The following BPI variants were observed in gnomAD, a reference collection of about 807,000 sequenced individuals.
BPI encodes bactericidal permeability increasing protein.
In BPI, 48 loss-of-function variants were observed where a neutral mutation model predicts 57.6. The observed-to-expected ratio is 0.83, with a 90% CI of 0.66 to 1.06. The LOEUF is 1.06. BPI is among the 50% of genes least tolerant of loss of function. The pLI is 0.00. For synonymous variants in BPI, 237 were observed against 238.2 expected, an observed-to-expected ratio of 0.99 and a Z score of 0.05; for missense variants, 651 against 609.7, an observed-to-expected ratio of 1.07 and a Z score of -0.71.
At chr20:38,326,496 A>C in intron 10 of BPI, 64 bp downstream of exon 10, 8 of 1,492,706 alleles carry the variant, frequency 5.4e-6, no homozygotes, top group South Asian at 5.2e-5. Flanking sequence ...CTGTCTTTGG[A>C]GTCAGGAGAC....
At chr20:38,330,441 A>T (rs1311110077) in intron 11 of BPI, among the ~76,000 whole-genome samples, 1 of 152,204 alleles carries the variant, frequency 6.6e-6, no homozygotes, top group Non-Finnish European at 1.5e-5. Context: ...AAACAGCCAT[A>T]TGTTCCCCCC....
At chr20:38,310,280 C>G (rs1484751655) in intron 3 of BPI, among the ~76,000 whole-genome samples, 1 of 152,152 alleles carries the variant, frequency 6.6e-6, no homozygotes, top group Non-Finnish European at 1.5e-5. Flanking sequence ...CAGGTTTCTG[C>G]CAGGCAAACA....
intron 5 of BPI, chr20:38,317,867 G>T (rs1273215213): frequency 2.0e-6 from 3 of 1,475,424 alleles, no homozygotes; most frequent in Non-Finnish European, 2.7e-6. Context: ...TCCATTGTGA[G>T]TCATGGGCTA....
chr20:38,310,770 G>GC, intron 4 of BPI, 118 bp downstream of exon 4: 1 of 1,372,236 alleles, frequency 7.3e-7, no homozygotes, highest in Non-Finnish European at 9.9e-7. Context: ...TTGCTCAGAG[G>GC]CCTCAGGCAT....
intron 4 of BPI, 130 bp from the exon 5 acceptor site, chr20:38,311,743 AG>A: frequency 1.3e-6 from 1 of 766,698 alleles, no homozygotes; most frequent in Non-Finnish European, 2.3e-6. Flanking sequence ...GTGTGCAGTT[AG>A]AGCTCAGAGG....
At chr20:38,334,598 A>C (rs888426727) in intron 13 of BPI, 105 bp downstream of exon 13, 3 of 1,137,092 alleles carry the variant, frequency 2.6e-6, no homozygotes, top group Non-Finnish European at 4.0e-6. Context: ...AGGGCTGGGC[A>C]GTGGTGATGT....
At chr20:38,336,599 C>T (rs2076768614) in intron 14 of BPI, among the ~76,000 whole-genome samples, 1 of 152,084 alleles carries the variant, frequency 6.6e-6, no homozygotes, top group South Asian at 2.1e-4. Context: ...CTCTCCCTTT[C>T]CCCCAATGTC....
intron 1 of BPI, among the ~76,000 whole-genome samples, chr20:38,305,076 C>G (rs1267862165): frequency 6.6e-6 from 1 of 152,210 alleles, no homozygotes; most frequent in Non-Finnish European, 1.5e-5. Flanking sequence ...AGAGAGATGA[C>G]CTGCAAAACA....
intron 11 of BPI, among the ~76,000 whole-genome samples, chr20:38,328,782 A>C (rs564685146): frequency 6.6e-6 from 1 of 151,918 alleles, no homozygotes; most frequent in Non-Finnish European, 1.5e-5. Context: ...GGATCGCCTG[A>C]GCCCAATAGT....
chr20:38,308,846 G>C, intron 2 of BPI, 84 bp from the exon 3 acceptor site: 6 of 1,544,840 alleles, frequency 3.9e-6, no homozygotes, highest in Non-Finnish European at 5.3e-6. Flanking sequence ...TGGGGGACGA[G>C]TCTGCATTAA....
chr20:38,317,806 T>C, intron 5 of BPI: 1 of 1,491,536 alleles, frequency 6.7e-7, no homozygotes, highest in African/African-American at 1.4e-5. Context: ...ACTTCCTCAG[T>C]GTCAAAGTCA....
In BPI at chr20:38,327,457, G is replaced by T. The variant is rs2076719069; in HGVS notation, c.1162-131G>T. 7 of 907,796 alleles carry T rather than the reference G, an allele frequency of 7.7e-6. No individual in the cohort carries two copies. The South Asian group carries it at 9.1e-5, about 12-fold the overall frequency. 56.2% of individuals were successfully genotyped at this position (907,796 alleles called of 1,614,324 possible). ...CAAGGGAAGTCTCCCCACTCCTCTG[G>T]CTCTGTGGGCCTGACCCCACAGTGT... On this transcript the variant is annotated intron_variant, in intron 10 of 14. Coordinates refer to ENST00000642449, the MANE Select transcript of BPI (RefSeq NM_001725.3).
chr20:38,307,498 C>A (rs746356824), intron 1 of BPI, 69 bp from the exon 2 acceptor site: 1 of 1,165,318 alleles, frequency 8.6e-7, no homozygotes, highest in South Asian at 1.5e-5. Context: ...GGGTCCAGAG[C>A]CTGCCCTGCC....
chr20:38,318,377 G>A (rs1232901429), intron 5 of BPI, 36 bp from the exon 6 acceptor site: 2 of 1,584,948 alleles, frequency 1.3e-6, no homozygotes, highest in Non-Finnish European at 1.7e-6. Flanking sequence ...TTCACTATGG[G>A]AAGACCTTAC....
intron 6 of BPI, 28 bp downstream of exon 6, chr20:38,318,504 G>T (rs1218364191): frequency 6.2e-7 from 1 of 1,602,966 alleles, no homozygotes; most frequent in Non-Finnish European, 8.5e-7. Context: ...ATCAAGGATA[G>T]AAAGGAACAG....
At chr20:38,307,722 G>C in intron 2 of BPI, 41 bp downstream of exon 2, 1 of 1,518,230 alleles carries the variant, frequency 6.6e-7, no homozygotes, top group Non-Finnish European at 9.1e-7. Context: ...TGCAGGACTT[G>C]TAGTGTTCTG....
intron 12 of BPI, among the ~76,000 whole-genome samples, chr20:38,333,705 G>A (rs1246975574): frequency 6.7e-6 from 1 of 149,780 alleles, no homozygotes; most frequent in African/African-American, 2.5e-5. Flanking sequence ...ATATTTCCTT[G>A]TATTAAAGTA....
chr20:38,307,992 C>A (rs1412059822), intron 2 of BPI, among the ~76,000 whole-genome samples: 4 of 152,142 alleles, frequency 2.6e-5, no homozygotes, highest in Non-Finnish European at 5.9e-5. Context: ...CTCACATGGC[C>A]GGAAAGTCTC....
rs143052297 is a variant in BPI, at chr20:38,323,934, C to G, written c.821C>G (p.Pro274Arg). ...PPFAPPVMEF[P>R]AAHDRMVYLG... ...TTTGCTCCACCAGTGATGGAGTTTC[C>G]CGCTGCCCATGACCGCATGGTATAC... The change falls in exon 8 of 15, where the codon CCC (proline) becomes CGC (arginine). Residue 274 changes from proline (P) to arginine (R), a missense_variant. Transcript: ENST00000642449. The G allele has an allele frequency of 1.2e-6, 2 of 1,614,052 alleles. No homozygotes were observed. The highest frequency in any genetic ancestry group is 8.5e-7 in the Non-Finnish European group (1 of 1,180,028).
Sources: allele counts gnomAD v4.1 joint callset (sites outside exome capture counted in the v4.1 genomes callset), GRCh38; gene constraint gnomAD v4.1.1; transcripts MANE v1.5; gene names NCBI Gene and HGNC (gene_info 2026-07-23, HGNC 2026-07-21).